THRB: variants seen among roughly 807,000 people sequenced by gnomAD.
The protein encoded by THRB is thyroid hormone receptor beta.
A neutral mutation model predicts 47.8 loss-of-function variants in THRB; 12 were observed. The observed-to-expected ratio is 0.25, with a 90% confidence interval of 0.16 to 0.41. The LOEUF is 0.41. Among genes scored for constraint, THRB ranks in the 10% least tolerant of loss-of-function variants. The pLI, the probability that THRB is intolerant of heterozygous loss-of-function variation, is 1.00. For missense variants in THRB, 348 were observed against 589.2 expected, an observed-to-expected ratio of 0.59 and a Z score of 4.24; for synonymous variants, 218 against 212.2, an observed-to-expected ratio of 1.03 and a Z score of -0.24.
At chr3:24,368,143 A>G (rs752078433) in intron 1 of THRB, among the ~76,000 whole-genome samples, 12 of 151,860 alleles carry the variant, frequency 7.9e-5, no homozygotes, top group Non-Finnish European at 1.5e-4. Context: ...TCCTTATACA[A>G]CTCCTGTAAG....
chr3:24,240,841 A>AT lies in THRB; in HGVS notation c.-42-11841_-42-11840insA, dbSNP rs1437263795. On this transcript the variant is annotated intron_variant, in intron 3 of 10. Coordinates refer to ENST00000646209, the MANE Select transcript of THRB (RefSeq NM_001354712.2). ...TTCCAGGGCCCACATGTTGAGAACC[A>AT]CCAGCCTGATCCATTTAAGAACATG... Among the ~76,000 whole-genome samples the AT allele has an allele frequency of 7.2e-3, 1,091 of 151,926 alleles. 17 individuals carry two copies. Among genetic ancestry groups the AT allele is most frequent in the African/African-American group, 0.025 (1,017 of 41,202 alleles).
intron 1 of THRB, chr3:24,459,247 G>A (rs1487591645): frequency 6.6e-6 from 1 of 152,298 alleles, no homozygotes; most frequent in East Asian, 1.9e-4. Flanking sequence ...AGCTTGCTGA[G>A]AATGATGGTT....
intron 1 of THRB, among the ~76,000 whole-genome samples, chr3:24,340,289 G>A (rs896649714): frequency 6.6e-6 from 1 of 151,976 alleles, no homozygotes; most frequent in Non-Finnish European, 1.5e-5. Flanking sequence ...AATTTTAAAG[G>A]GGTTAATATT....
Position 24,228,932 on chromosome 3 carries a change from A to T in THRB, c.22+6T>A, listed in dbSNP as rs764831229. On this transcript the variant is annotated splice_donor_region_variant and intron_variant, in intron 4 of 10. Coordinates refer to ENST00000646209, the MANE Select transcript of THRB (RefSeq NM_001354712.2). ...ACACAAAGAAAATGTAAAAAAAAAA[A>T]GATACCTGTCATACTGTTGGGAGTC... 1.2e-6 allele frequency: 2 copies of T among 1,606,896 alleles called. No individual in the cohort carries two copies. Among genetic ancestry groups the T allele is most frequent in the Non-Finnish European group, 8.5e-7 (1 of 1,177,362 alleles).
intron 1 of THRB, among the ~76,000 whole-genome samples, chr3:24,434,256 G>A (rs2070721851): frequency 6.6e-6 from 1 of 152,086 alleles, no homozygotes; most frequent in Non-Finnish European, 1.5e-5. Flanking sequence ...TCGCTTTAAG[G>A]GTCCATATAG....
intron 9 of THRB, 85 bp downstream of exon 9, chr3:24,133,231 T>C (rs1331538105): frequency 6.7e-7 from 1 of 1,488,512 alleles, no homozygotes; most frequent in Non-Finnish European, 9.3e-7. Context: ...CTAATTAACA[T>C]TAAATTGTAA....
At chr3:24,468,413 G>T (rs2125729109) in intron 1 of THRB, among the ~76,000 whole-genome samples, 2 of 152,268 alleles carry the variant, frequency 1.3e-5, no homozygotes, top group South Asian at 2.1e-4. Flanking sequence ...CCTAGCTTTT[G>T]ACCTATTTCA....
intron 1 of THRB, among the ~76,000 whole-genome samples, chr3:24,406,842 AT>A (rs1172377571): frequency 2.6e-5 from 4 of 151,898 alleles, no homozygotes; most frequent in Admixed American, 6.6e-5. Context: ...TTAGATTTTA[AT>A]TTCTTGGTAA....
At chr3:24,363,251 T>G (rs960243940) in intron 1 of THRB, among the ~76,000 whole-genome samples, 5 of 152,118 alleles carry the variant, frequency 3.3e-5, no homozygotes, top group Non-Finnish European at 4.4e-5. Context: ...ACTGCAGGAA[T>G]TTAAGAGTCC....
At chr3:24,257,094 A>G (rs578120173) in intron 3 of THRB, among the ~76,000 whole-genome samples, 5 of 151,946 alleles carry the variant, frequency 3.3e-5, no homozygotes, top group African/African-American at 7.2e-5. Flanking sequence ...AGTTTCTTCA[A>G]TTTTCCAAAT....
intron 8 of THRB, among the ~76,000 whole-genome samples, chr3:24,135,198 G>C (rs2034462907): frequency 6.6e-6 from 1 of 152,122 alleles, no homozygotes; most frequent in African/African-American, 2.4e-5. Flanking sequence ...CATATCTCCT[G>C]TTACTGCTCA....
At chr3:24,469,875 A>C (rs1281585882) in intron 1 of THRB, among the ~76,000 whole-genome samples, 3 of 152,234 alleles carry the variant, frequency 2.0e-5, no homozygotes, top group Admixed American at 6.5e-5. Context: ...TAAAGTTTCA[A>C]GTGAGCAAAG....
At chr3:24,124,426 T>G (rs987253805) in intron 10 of THRB, among the ~76,000 whole-genome samples, 3 of 152,164 alleles carry the variant, frequency 2.0e-5, no homozygotes, top group Non-Finnish European at 4.4e-5. Flanking sequence ...TTGACCCAAA[T>G]AGAAGATCAA....
intron 1 of THRB, among the ~76,000 whole-genome samples, chr3:24,375,582 A>C (rs2065226121): frequency 6.7e-6 from 1 of 149,560 alleles, no homozygotes. Flanking sequence ...TGATATACAG[A>C]ATAAAAGAAA....
chr3:24,368,167 T>C (rs933799256), intron 1 of THRB, among the ~76,000 whole-genome samples: 3 of 152,182 alleles, frequency 2.0e-5, no homozygotes, highest in Non-Finnish European at 2.9e-5. Context: ...ACTAAAAGAA[T>C]TATATTCTGC....
intron 3 of THRB, chr3:24,238,204 T>C (rs966815411): frequency 2.9e-5 from 4 of 139,112 alleles, no homozygotes; most frequent in African/African-American, 8.0e-5. Flanking sequence ...TAAAACTGAC[T>C]CTACTGACAC....
chr3:24,301,425 C>A (rs1302971681), intron 2 of THRB, among the ~76,000 whole-genome samples: 1 of 152,116 alleles, frequency 6.6e-6, no homozygotes, highest in Non-Finnish European at 1.5e-5. Flanking sequence ...CCCCATTTTC[C>A]CTACTGATTC....
At chr3:24,325,377 T>A (rs2058736358) in intron 2 of THRB, among the ~76,000 whole-genome samples, 1 of 152,138 alleles carries the variant, frequency 6.6e-6, no homozygotes, top group Admixed American at 6.5e-5. Context: ...CTCAATTAAT[T>A]GCAAATGGTT....
intron 4 of THRB, among the ~76,000 whole-genome samples, chr3:24,209,426 C>T (rs929561486): frequency 2.2e-4 from 34 of 152,148 alleles, no homozygotes; most frequent in Non-Finnish European, 3.2e-4. Context: ...GGAACCAACC[C>T]AAATGTCCAT....
Sources: gnomAD v4.1 joint callset for allele counts (sites outside exome capture counted in the v4.1 genomes callset) on GRCh38, gnomAD v4.1.1 for gene constraint, MANE v1.5 for transcripts, NCBI Gene and HGNC (gene_info 2026-07-23, HGNC 2026-07-21) for gene names.